Variants in ABHD5 observed in about 807,000 individuals in gnomAD.
ABHD5 encodes the protein 1-acylglycerol-3-phosphate O-acyltransferase ABHD5.
A neutral mutation model predicts 44.9 loss-of-function variants in ABHD5; 30 were observed. That is an observed-to-expected ratio of 0.67 (90% confidence interval 0.50 to 0.91). ABHD5 has a LOEUF of 0.91. ABHD5 is among the 40% of genes least tolerant of loss of function. The pLI, the probability that ABHD5 is intolerant of heterozygous loss-of-function variation, is 0.00. For missense variants in ABHD5, 399 were observed against 423.4 expected (o/e 0.94, Z 0.50); for synonymous variants, 167 against 147.0 (o/e 1.14, Z -0.99).
intron 3 of ABHD5, among the ~76,000 whole-genome samples, chr3:43,706,169 C>T (rs2084615789): frequency 6.6e-6 from 1 of 152,146 alleles, no homozygotes; most frequent in Non-Finnish European, 1.5e-5. Flanking sequence ...AGCTTCTTTG[C>T]AGCACACACA....
intron 3 of ABHD5, among the ~76,000 whole-genome samples, chr3:43,708,706 T>TGTA (rs1175450815): frequency 6.6e-6 from 1 of 152,230 alleles, no homozygotes; most frequent in South Asian, 2.1e-4. Context: ...GGTCTTTACA[T>TGTA]GTAGTAGAAG....
intron 3 of ABHD5, 126 bp from the exon 4 acceptor site, chr3:43,711,583 C>T: frequency 9.5e-7 from 1 of 1,048,430 alleles, no homozygotes; most frequent in Non-Finnish European, 1.4e-6. Flanking sequence ...CTATTTAGCA[C>T]TAATCTTTAA....
At chr3:43,702,737 A>G (rs1000386915) in intron 3 of ABHD5, 150 bp downstream of exon 3, 2 of 1,050,740 alleles carry the variant, frequency 1.9e-6, no homozygotes, top group Non-Finnish European at 2.9e-6. Context: ...GATGACCAAT[A>G]TAGTAGCTGA....
intron 6 of ABHD5, 100 bp from the exon 7 acceptor site, chr3:43,718,343 G>A (rs2084793762): frequency 1.1e-6 from 1 of 921,458 alleles, no homozygotes; most frequent in African/African-American, 1.6e-5. Context: ...TTTAAATACA[G>A]TGGCTCTCAC....
intron 3 of ABHD5, among the ~76,000 whole-genome samples, chr3:43,707,166 A>T (rs1242832245): frequency 6.6e-6 from 1 of 152,234 alleles, no homozygotes; most frequent in Non-Finnish European, 1.5e-5. Flanking sequence ...CCCCATTAAA[A>T]AAACTATCTG....
rs527665003 is a variant in ABHD5 at position 43,698,917 on chromosome 3, T to C, written c.48-359T>C. Among the ~76,000 whole-genome samples, 73 of 152,304 alleles carry C rather than the reference T, an allele frequency of 4.8e-4. 1 individual carries two copies. The highest frequency in any genetic ancestry group is 1.7e-3 in the African/African-American group (70 of 41,560). On this transcript the variant is annotated intron_variant, in intron 1 of 6. Coordinates refer to ENST00000644371, the MANE Select transcript of ABHD5 (RefSeq NM_016006.6). The stretch of plus-strand genomic sequence containing the variant: ...GTCATTCAAATGAATCTACTCCTGG[T>C]CTTTAACTTTTTTTGCACTTCTACC...
At chr3:43,711,230 A>G (rs2084685203) in intron 3 of ABHD5, among the ~76,000 whole-genome samples, 1 of 152,224 alleles carries the variant, frequency 6.6e-6, no homozygotes. Flanking sequence ...CTTCACTTAC[A>G]TTTTTAGGAT....
At chr3:43,691,182 T>C (rs1575596170) in intron 1 of ABHD5, 143 bp downstream of exon 1, 2 of 796,412 alleles carry the variant, frequency 2.5e-6, no homozygotes, top group Non-Finnish European at 3.5e-6. Context: ...CCGGCATGAG[T>C]CCGCGCGGCG....
Position 43,711,758 on chromosome 3 carries a change from G to A in ABHD5, c.556G>A (p.Asp186Asn). The A allele has an allele frequency of 6.2e-7, 1 of 1,614,186 alleles. No homozygotes were observed. Among genetic ancestry groups the A allele is most frequent in the Non-Finnish European group, 8.5e-7 (1 of 1,180,032 alleles). ...GCCTTGGGGTTTCCCTGAACGACCA[G>A]ACCTTGCTGATCAAGACAGACCAAT... ...VEPWGFPERP[D>N]LADQDRPIPV... The change falls in exon 4 of 7, where the codon GAC (aspartate) becomes AAC (asparagine). Residue 186 changes from aspartate (D) to asparagine (N), a missense_variant. Coordinates refer to ENST00000644371, the MANE Select transcript of ABHD5 (RefSeq NM_016006.6).
chr3:43,731,119 C>T (rs1481986459), intron 7 of ABHD5, among the ~76,000 whole-genome samples: 6 of 152,170 alleles, frequency 3.9e-5, no homozygotes, highest in African/African-American at 9.6e-5. Context: ...TGAGCCACTG[C>T]GCCCGGCCCT....
rs115156029 is a variant in ABHD5 at position 43,719,863 on chromosome 3, T to C, written c.*1331T>C. 479 of 149,280 alleles carry C rather than the reference T, an allele frequency of 3.2e-3. 4 individuals carry two copies. Among genetic ancestry groups the C allele is most frequent in the African/African-American group, 0.012 (458 of 38,904 alleles). The allele number at this position is 149,280 out of a possible 1,614,324, so 9.2% of individuals were successfully genotyped here. ...AAGGTAGCTATGTAAATAAAAACAG[T>C]GAACTAGAGCAAATAGTGGTTTAAT... On this transcript the variant is annotated 3_prime_UTR_variant, in exon 7 of 7. Coordinates refer to ENST00000644371, the MANE Select transcript of ABHD5 (RefSeq NM_016006.6).
chr3:43,718,438 T>C lies in ABHD5; in HGVS notation c.961-5T>C. Reference sequence around the variant, plus strand: ...CTAACTGTCTGAATGCTTTTCCTTATCCAGGCTATTCTTGGGGCAGGACAT... The same window carrying C: ...CTAACTGTCTGAATGCTTTTCCTTACCCAGGCTATTCTTGGGGCAGGACAT... On this transcript the variant is annotated splice_polypyrimidine_tract_variant and splice_region_variant and intron_variant, in intron 6 of 6. Coordinates refer to ENST00000644371, the MANE Select transcript of ABHD5 (RefSeq NM_016006.6). 6.2e-7 allele frequency: 1 copy of C among 1,613,580 alleles called. No individual in the cohort carries two copies. The highest frequency in any genetic ancestry group is 8.5e-7 in the Non-Finnish European group (1 of 1,179,500).
At chr3:43,700,970 C>CA (rs200177883) in intron 2 of ABHD5, among the ~76,000 whole-genome samples, 1,868 of 152,042 alleles carry the variant, frequency 0.012, 20 homozygotes, top group Non-Finnish European at 0.02. Flanking sequence ...TGTGATTTAC[C>CA]AAAATAAAAA....
chr3:43,700,740 A>AT (rs1361660825), intron 2 of ABHD5, among the ~76,000 whole-genome samples: 42 of 151,240 alleles, frequency 2.8e-4, no homozygotes, highest in African/African-American at 1.0e-3. Flanking sequence ...TACCCAGCTA[A>AT]TTTTTGTATT....
intron 3 of ABHD5, among the ~76,000 whole-genome samples, chr3:43,705,764 A>G (rs2084610429): frequency 6.6e-6 from 1 of 152,174 alleles, no homozygotes; most frequent in African/African-American, 2.4e-5. Context: ...ACAGGGAAAA[A>G]TGAGTATCTC....
downstream of ABHD5, among the ~76,000 whole-genome samples, chr3:43,725,848 G>GTT (rs34068036): frequency 1.3e-4 from 19 of 146,890 alleles, no homozygotes; most frequent in African/African-American, 4.0e-4. Flanking sequence ...CTGTTTCCTA[G>GTT]TTTTTTTTTT....
intron 1 of ABHD5, 55 bp downstream of exon 1, chr3:43,691,094 G>A: frequency 4.0e-6 from 6 of 1,490,228 alleles, no homozygotes; most frequent in Non-Finnish European, 5.4e-6. Flanking sequence ...CCTCCGCGCG[G>A]GCCGGGTTAG....
chr3:43,702,890 A>G (rs2084563567), intron 3 of ABHD5, among the ~76,000 whole-genome samples: 1 of 151,890 alleles, frequency 6.6e-6, no homozygotes. Context: ...TATTATTATC[A>G]TTAAACCTAT....
In ABHD5 at chr3:43,721,725, T is replaced by C. The variant is rs2084838987; in HGVS notation, c.*3193T>C. The C allele has an allele frequency of 6.6e-6, 1 of 151,960 alleles. No individual in the cohort carries two copies. The highest frequency in any genetic ancestry group is 2.1e-4 in the South Asian group (1 of 4,828). 9.4% of individuals were successfully genotyped at this position (151,960 alleles called of 1,614,324 possible). A position where few individuals can be genotyped will look rare whatever the true frequency, so the allele number is the denominator to read the frequency against. ...AAAGATTTTTTTGGATAGCTGAAAA[T>C]ATTTGCAGCATTTATCACAGAGGGC... On this transcript the variant is annotated 3_prime_UTR_variant, in exon 7 of 7. Transcript: ENST00000644371.
Sources: gnomAD v4.1 joint callset for allele counts (sites outside exome capture counted in the v4.1 genomes callset) on GRCh38, gnomAD v4.1.1 for gene constraint, MANE v1.5 for transcripts, NCBI Gene and HGNC (gene_info 2026-07-23, HGNC 2026-07-21) for gene names.